Variants in DLGAP1 observed in about 807,000 individuals in gnomAD.
DLGAP1 encodes the protein DLG associated protein 1.
In DLGAP1, 11 loss-of-function variants were observed where a neutral mutation model predicts 90.8. The observed-to-expected ratio is 0.12, with a 90% CI of 0.08 to 0.20. DLGAP1 has a LOEUF of 0.20. DLGAP1 is among the 10% of genes least tolerant of loss of function. The pLI, the probability that DLGAP1 is intolerant of heterozygous loss-of-function variation, is 1.00. For synonymous variants in DLGAP1, 558 were observed against 540.7 expected, an observed-to-expected ratio of 1.03 and a Z score of -0.44; for missense variants, 1,050 against 1,333.8, an observed-to-expected ratio of 0.79 and a Z score of 3.31.
intron 1 of DLGAP1, among the ~76,000 whole-genome samples, chr18:4,404,881 AC>A (rs546897050): frequency 1.1e-3 from 171 of 152,322 alleles, no homozygotes; most frequent in African/African-American, 4.0e-3. Flanking sequence ...AATAATAACA[AC>A]AAAAAAGGCT....
intron 7 of DLGAP1, among the ~76,000 whole-genome samples, chr18:3,640,885 C>G (rs559091464): frequency 7.6e-4 from 116 of 152,256 alleles, no homozygotes; most frequent in Middle Eastern, 3.4e-3. Flanking sequence ...ATGTATTATA[C>G]AATTTAATCC....
chr18:3,976,222 G>GTAATA lies in DLGAP1; in HGVS notation c.-73+28893_-73+28894insTATTA, dbSNP rs1568329962. Among the ~76,000 whole-genome samples the GTAATA allele has an allele frequency of 2.1e-3, 259 of 123,996 alleles. 3 individuals carry two copies. The highest frequency in any genetic ancestry group is 9.0e-3 in the Middle Eastern group (2 of 222). 81.3% of individuals were successfully genotyped at this position (123,996 alleles called of 152,430 possible). A position where few individuals can be genotyped will look rare whatever the true frequency, so the allele number is the denominator to read the frequency against. ...TAATAATAATAATAATAATAATAAC[G>GTAATA]ATAATTAGCCAGGTGTGGTGGTGCA... On this transcript the variant is annotated intron_variant, in intron 3 of 12. Transcript: ENST00000315677.
intron 2 of DLGAP1, among the ~76,000 whole-genome samples, chr18:4,078,710 C>T (rs1455000238): frequency 6.6e-6 from 1 of 152,148 alleles, no homozygotes; most frequent in Admixed American, 6.5e-5. Context: ...ATCTGGAAAC[C>T]TGGTATTCAA....
At chr18:3,888,107 C>CAAAAAAAAAAAAAAAAAAAAA (rs1164887393) in intron 3 of DLGAP1, among the ~76,000 whole-genome samples, 2 of 49,384 alleles carry the variant, frequency 4.0e-5, no homozygotes, top group African/African-American at 1.5e-4. Flanking sequence ...GACTCCATCT[C>CAAAAAAAAAAAAAAAAAAAAA]AAAAAAAAAA....
chr18:3,588,666 G>C (rs1405226754), intron 7 of DLGAP1, among the ~76,000 whole-genome samples: 13 of 150,840 alleles, frequency 8.6e-5, no homozygotes. Context: ...TGTATTCCCA[G>C]CTACTCAGGA....
At chr18:4,318,407 A>G (rs4798214) in intron 1 of DLGAP1, among the ~76,000 whole-genome samples, 59,435 of 152,006 alleles carry the variant, frequency 0.39, 11,821 homozygotes, top group Middle Eastern at 0.44. Context: ...GAAAAACGGT[A>G]GGAAATCTGA....
At chr18:3,623,893 C>T (rs529260103) in intron 7 of DLGAP1, among the ~76,000 whole-genome samples, 1 of 152,234 alleles carries the variant, frequency 6.6e-6, no homozygotes, top group South Asian at 2.1e-4. Flanking sequence ...GGCCGGTCCC[C>T]GTGCGGATGC....
intron 2 of DLGAP1, among the ~76,000 whole-genome samples, chr18:4,069,362 T>C (rs2075413795): frequency 6.6e-6 from 1 of 152,130 alleles, no homozygotes; most frequent in African/African-American, 2.4e-5. Context: ...GATTCTTTGT[T>C]GTAAAGTGCA....
intron 3 of DLGAP1, among the ~76,000 whole-genome samples, chr18:3,908,590 G>A (rs1402934848): frequency 6.6e-6 from 1 of 152,096 alleles, no homozygotes; most frequent in African/African-American, 2.4e-5. Context: ...GGCCATGTGT[G>A]TTTTTAATAG....
chr18:3,807,706 C>G (rs1032148981), intron 5 of DLGAP1, among the ~76,000 whole-genome samples: 2 of 152,208 alleles, frequency 1.3e-5, no homozygotes, highest in African/African-American at 2.4e-5. Context: ...AGGTATTAAG[C>G]CCAGCATGCA....
intron 5 of DLGAP1, among the ~76,000 whole-genome samples, chr18:3,751,724 C>T (rs1405848965): frequency 6.6e-6 from 1 of 151,350 alleles, no homozygotes; most frequent in African/African-American, 2.4e-5. Flanking sequence ...GCCACCACAC[C>T]TGGATAATTT....
intron 5 of DLGAP1, among the ~76,000 whole-genome samples, chr18:3,752,236 T>C (rs1954771647): frequency 1.3e-5 from 2 of 152,200 alleles, no homozygotes; most frequent in African/African-American, 4.8e-5. Context: ...AAGTCACCCT[T>C]TTAAAGTGTG....
intron 11 of DLGAP1, among the ~76,000 whole-genome samples, chr18:3,506,694 C>T (rs1427408923): frequency 6.6e-6 from 1 of 151,902 alleles, no homozygotes; most frequent in Non-Finnish European, 1.5e-5. Context: ...TTGTGTTTTC[C>T]CTGTATCGTG....
At chr18:3,923,191 G>A (rs1441129251) in intron 3 of DLGAP1, among the ~76,000 whole-genome samples, 2 of 146,712 alleles carry the variant, frequency 1.4e-5, no homozygotes, top group African/African-American at 5.0e-5. Flanking sequence ...TGTTCATACT[G>A]TTCATTGAAT....
intron 10 of DLGAP1, among the ~76,000 whole-genome samples, chr18:3,515,287 G>A (rs1345025406): frequency 5.3e-5 from 8 of 150,452 alleles, no homozygotes; most frequent in Admixed American, 4.7e-4. Context: ...TGGCTAACAC[G>A]GTGAAACCCC....
intron 2 of DLGAP1, among the ~76,000 whole-genome samples, chr18:4,108,163 A>T (rs1003688828): frequency 1.3e-5 from 2 of 152,154 alleles, no homozygotes; most frequent in Non-Finnish European, 2.9e-5. Flanking sequence ...CATAAAACAC[A>T]GGAAGACCAC....
At position 3,853,093 on chromosome 18, in the gene DLGAP1, A is replaced by G. The variant is rs547650586; in HGVS notation, c.957+26019T>C. On this transcript the variant is annotated intron_variant, in intron 4 of 12. Transcript: ENST00000315677. Reference sequence around the variant, plus strand: ...GATTACCTCTTCTTGCAGGTTTTATAAAAATTAATAGGGTCTGGTCTTTTT... The same window carrying G: ...GATTACCTCTTCTTGCAGGTTTTATGAAAATTAATAGGGTCTGGTCTTTTT... 4.7e-4 allele frequency among the ~76,000 whole-genome samples: 72 copies of G among 152,204 alleles called. No individual in the cohort carries two copies. The Middle Eastern group carries it at 0.01, about 22-fold the overall frequency.
chr18:3,608,373 G>T (rs185053610), intron 7 of DLGAP1: 2 of 152,130 alleles, frequency 1.3e-5, no homozygotes, highest in Admixed American at 6.5e-5. Context: ...TGGAAGAAAG[G>T]CCAGCTGTAA....
At chr18:3,579,524 A>G (rs955048377) in intron 8 of DLGAP1, among the ~76,000 whole-genome samples, 8 of 152,192 alleles carry the variant, frequency 5.3e-5, no homozygotes, top group African/African-American at 1.9e-4. Context: ...CTGGCTTTTA[A>G]ATTAGCCTTA....
Sources: allele counts gnomAD v4.1 joint callset (sites outside exome capture counted in the v4.1 genomes callset), GRCh38; gene constraint gnomAD v4.1.1; transcripts MANE v1.5; gene names NCBI Gene and HGNC (gene_info 2026-07-23, HGNC 2026-07-21).